The following MED24 variants were observed in gnomAD, a reference collection of about 807,000 sequenced individuals.
The protein encoded by MED24 is mediator of RNA polymerase II transcription subunit 24.
Under a neutral mutation model 118.8 loss-of-function variants are expected in MED24, and 74 were observed. That is an observed-to-expected ratio of 0.62 (90% CI 0.52 to 0.76). The LOEUF is 0.76. Among genes scored for constraint, MED24 ranks in the 30% least tolerant of loss-of-function variants. MED24 has a pLI of 0.00. For synonymous variants in MED24, 521 were observed against 523.9 expected (o/e 0.99, Z 0.08); for missense variants, 1,041 against 1,278.9 (o/e 0.81, Z 2.84).
intron 3 of MED24, among the ~76,000 whole-genome samples, chr17:40,037,945 C>T (rs1213872177): frequency 6.6e-6 from 1 of 151,968 alleles, no homozygotes; most frequent in African/African-American, 2.4e-5. Context: ...CACACATACC[C>T]TGAGCTTGTG....
intron 3 of MED24, among the ~76,000 whole-genome samples, chr17:40,047,850 C>T (rs1985412671): frequency 6.6e-6 from 1 of 151,994 alleles, no homozygotes; most frequent in Admixed American, 6.6e-5. Context: ...CTGCTTCAGC[C>T]TCCTGAGTAG....
chr17:40,046,541 C>G (rs917087565), intron 3 of MED24, among the ~76,000 whole-genome samples: 2 of 144,708 alleles, frequency 1.4e-5, no homozygotes, highest in African/African-American at 5.1e-5. Flanking sequence ...GTCAGGAGAT[C>G]GAGACCATCC....
intron 12 of MED24, 118 bp from the exon 13 acceptor site, chr17:40,029,977 C>T: frequency 1.2e-6 from 1 of 822,698 alleles, no homozygotes; most frequent in African/African-American, 1.7e-5. Context: ...ATGTAAGAAC[C>T]TCCGAGGTTG....
At chr17:40,035,623 A>C in intron 5 of MED24, 99 bp downstream of exon 5, 1 of 1,332,510 alleles carries the variant, frequency 7.5e-7, no homozygotes, top group South Asian at 1.3e-5. Flanking sequence ...AAAACGTTGG[A>C]ACCCGGAGTT....
rs750457412 is a variant in MED24 at position 40,023,128 on chromosome 17, T to C, written c.2250+3A>G. 1 of 1,611,198 alleles carries C rather than the reference T, an allele frequency of 6.2e-7. No individual in the cohort carries two copies. Among genetic ancestry groups the C allele is most frequent in the Non-Finnish European group, 8.5e-7 (1 of 1,177,842 alleles). On this transcript the variant is annotated splice_donor_region_variant and intron_variant, in intron 20 of 25. Coordinates refer to ENST00000394128, the MANE Select transcript of MED24 (RefSeq NM_014815.4). ...CGGCCCACAGCCACTCCAGCCCAAG[T>C]ACCTTAATCAGGTTGTTGCAGAACC...
At position 40,035,357 on chromosome 17, in the gene MED24, G is replaced by A; in HGVS notation, c.327-8C>T. Reference sequence around the variant, plus strand: ...TCTGCTTTGCCGTGACAGCTACAGGGAAGGATGCAAAATCAGACTCTGTTC... The same window carrying A: ...TCTGCTTTGCCGTGACAGCTACAGGAAAGGATGCAAAATCAGACTCTGTTC... On this transcript the variant is annotated splice_polypyrimidine_tract_variant and splice_region_variant and intron_variant, in intron 5 of 25. Coordinates refer to ENST00000394128, the MANE Select transcript of MED24 (RefSeq NM_014815.4). 1 of 1,569,898 alleles carries A rather than the reference G, an allele frequency of 6.4e-7. No homozygotes were observed. Among genetic ancestry groups the A allele is most frequent in the Non-Finnish European group, 8.7e-7 (1 of 1,154,672 alleles).
intron 15 of MED24, chr17:40,027,704 G>A: frequency 4.4e-6 from 3 of 678,996 alleles, no homozygotes; most frequent in Admixed American, 2.6e-5. Context: ...ATGAGGGGGG[G>A]AAGGAGACAC....
chr17:40,032,940 C>T, intron 8 of MED24, 116 bp downstream of exon 8: 1 of 1,466,954 alleles, frequency 6.8e-7, no homozygotes, highest in Non-Finnish European at 9.2e-7. Context: ...CACCCACTTT[C>T]CATCATGGAG....
intron 15 of MED24, 65 bp from the exon 16 acceptor site, chr17:40,027,530 C>T: frequency 2.0e-6 from 3 of 1,494,302 alleles, no homozygotes; most frequent in Non-Finnish European, 2.7e-6. Flanking sequence ...TCTGGGTTGA[C>T]AGGGATCGGG....
At chr17:40,021,241 C>T (rs1043609217) in intron 23 of MED24, 3 of 152,370 alleles carry the variant, frequency 2.0e-5, no homozygotes, top group Non-Finnish European at 2.9e-5. Context: ...TCACAACACC[C>T]CATTTACAGA....
At chr17:40,031,308 G>A (rs1291760914) in intron 11 of MED24, 63 bp from the exon 12 acceptor site, 12 of 1,449,134 alleles carry the variant, frequency 8.3e-6, no homozygotes, top group Non-Finnish European at 1.1e-5. Flanking sequence ...GGGTGGGAGT[G>A]GCAGGTCCCT....
rs2144845495 is a variant in MED24 at position 40,019,458 on chromosome 17, C to T, written c.*71G>A. ...TGTGAGGCACGATGCCTCATCTTTC[C>T]TCACTGCTTCCCTTGGAGGCGCCTG... On this transcript the variant is annotated 3_prime_UTR_variant, in exon 26 of 26. Coordinates refer to ENST00000394128, the MANE Select transcript of MED24 (RefSeq NM_014815.4). 7.6e-7 allele frequency: 1 copy of T among 1,322,772 alleles called. No homozygotes were observed. The highest frequency in any genetic ancestry group is 1.2e-5 in the South Asian group (1 of 81,862). 81.9% of individuals were successfully genotyped at this position (1,322,772 alleles called of 1,614,324 possible). A position where few individuals can be genotyped will look rare whatever the true frequency, so the allele number is the denominator to read the frequency against.
rs559819787 is a variant in MED24 at position 40,026,912 on chromosome 17, G to A, written c.1653C>T (p.Ser551=). ...NPDHPCFRPD[S]TKVESLVALL... is the part of the protein sequence containing the mutation. ...GGGCCACCAGGGACTCCACTTTGGT[G>A]GAGTCGGGGCGGAAGCAGGGGTGGT... Residue 551 remains serine, a synonymous_variant, in exon 17 of 26, where the codon TCC becomes TCT. Transcript: ENST00000394128. 6.2e-7 allele frequency: 1 copy of A among 1,614,104 alleles called. No individual in the cohort carries two copies. Among genetic ancestry groups the A allele is most frequent in the South Asian group, 1.1e-5 (1 of 91,084 alleles).
chr17:40,053,853 G>C, intron 1 of MED24: 1 of 640,858 alleles, frequency 1.6e-6, no homozygotes, highest in Admixed American at 2.9e-5. Context: ...AGTATCGGCC[G>C]AGCGCAGTGG....
chr17:40,050,194 C>A (rs1985685815), intron 3 of MED24, among the ~76,000 whole-genome samples: 1 of 139,852 alleles, frequency 7.2e-6, no homozygotes, highest in African/African-American at 2.7e-5. Flanking sequence ...TCAGGTCAGG[C>A]ACGGTGGCTC....
Position 40,033,668 on chromosome 17 carries a change from T to G in MED24, c.560-212A>C. ...CTAGAGCTGGAAACCCCAGAGACCA[T>G]TCCCAAAAGCCTGATTTCCAGGGGA... On this transcript the variant is annotated intron_variant, in intron 6 of 25. Transcript: ENST00000394128. This position sits in a 1 kb window ranked among gnomAD's most constrained non-coding sequence, Gnocchi z 5.2. 1 of 676,484 alleles carries G rather than the reference T, an allele frequency of 1.5e-6. No individual in the cohort carries two copies. Among genetic ancestry groups the G allele is most frequent in the African/African-American group, 1.8e-5 (1 of 56,694 alleles). 41.9% of individuals were successfully genotyped at this position (676,484 alleles called of 1,614,324 possible).
chr17:40,021,958 G>C lies in MED24; in HGVS notation c.2620C>G (p.Pro874Ala). ...CGCGGCCAGCCCACACACTCACTGG[G>C]GCTCGAAAGGATGTTGGCATCGTCC... The part of the protein sequence containing the change: ...NEDDANILSS[P>A]TDRSMSSSLS... Residue 874 changes from proline (P) to alanine (A), a missense_variant, in exon 23 of 26, where the codon CCC becomes GCC. Around this residue, in one of 3 missense-constraint regions of MED24, gnomAD observed 587 missense variants for 694.4 expected, o/e 0.85. Transcript: ENST00000394128. 1.9e-6 allele frequency: 3 copies of C among 1,595,880 alleles called. No individual in the cohort carries two copies. Among genetic ancestry groups the C allele is most frequent in the Non-Finnish European group, 2.6e-6 (3 of 1,170,356 alleles).
intron 4 of MED24, 71 bp from the exon 5 acceptor site, chr17:40,035,866 T>C: frequency 6.9e-7 from 1 of 1,447,556 alleles, no homozygotes; most frequent in Non-Finnish European, 9.6e-7. Context: ...AGGCAGACGG[T>C]GCATTCAGGA....
In MED24 at chr17:40,020,319, A is replaced by G. The variant is rs1981812245; in HGVS notation, c.2658T>C (p.Ser886=). ...CCCGCATGTTGACCGTGTGGAGCTGAGAGGCTGAGAGGGAGCTGCTCATGG... is the reference window on the plus strand; with the variant it reads ...CCCGCATGTTGACCGTGTGGAGCTGGGAGGCTGAGAGGGAGCTGCTCATGG... ...DRSMSSSLSA[S]QLHTVNMRDP... Residue 886 remains serine, a synonymous_variant, in exon 24 of 26, where the codon TCT becomes TCC. Coordinates refer to ENST00000394128, the MANE Select transcript of MED24 (RefSeq NM_014815.4). 1.9e-6 allele frequency: 3 copies of G among 1,595,162 alleles called. No homozygotes were observed. Among genetic ancestry groups the G allele is most frequent in the Non-Finnish European group, 2.6e-6 (3 of 1,170,906 alleles).
Sources: gnomAD v4.1 joint callset for allele counts (sites outside exome capture counted in the v4.1 genomes callset) on GRCh38, gnomAD v4.1.1 for gene constraint, gnomAD v4.1.1 regional missense constraint, Gnocchi (gnomAD v3.1) non-coding constraint, MANE v1.5 for transcripts, NCBI Gene and HGNC (gene_info 2026-07-23, HGNC 2026-07-21) for gene names.